Variants in NAV3 observed in about 807,000 individuals in gnomAD.
The protein encoded by NAV3 is neuron navigator 3.
In NAV3, 87 loss-of-function variants were observed where a neutral mutation model predicts 244.7. The ratio of observed to expected loss-of-function variants is 0.36; its 90% CI spans 0.30 to 0.42. The LOEUF is 0.42. Ranked by LOEUF, NAV3 falls within the 20% of genes least tolerant of loss-of-function variation. The pLI, the probability that NAV3 is intolerant of heterozygous loss-of-function variation, is 1.00. For synonymous variants in NAV3, 1,126 were observed against 1,042.2 expected (o/e 1.08, Z -1.55); for missense variants, 2,663 against 2,893.3 (o/e 0.92, Z 1.83).
At chr12:77,772,525 CTG>C (rs1352231788) in intron 2 of NAV3, among the ~76,000 whole-genome samples, 1 of 152,144 alleles carries the variant, frequency 6.6e-6, no homozygotes, top group African/African-American at 2.4e-5. Context: ...ACCACTGACA[CTG>C]ACTTCACTGA....
chr12:77,981,251 C>T (rs1179222059), intron 5 of NAV3, among the ~76,000 whole-genome samples: 2 of 152,034 alleles, frequency 1.3e-5, no homozygotes, highest in Non-Finnish European at 2.9e-5. Flanking sequence ...TTTTTAAGGA[C>T]CACATATAGT....
intron 1 of NAV3, among the ~76,000 whole-genome samples, chr12:77,929,137 A>T (rs1888520880): frequency 6.6e-6 from 1 of 152,216 alleles, no homozygotes; most frequent in Non-Finnish European, 1.5e-5. Context: ...TTGTCTGAAG[A>T]CAGCTAATCT....
chr12:77,815,526 A>G (rs1872495757), intron 2 of NAV3, among the ~76,000 whole-genome samples: 1 of 152,226 alleles, frequency 6.6e-6, no homozygotes, highest in African/African-American at 2.4e-5. Flanking sequence ...CAAATTAAAT[A>G]TAATGCATTT....
chr12:78,163,834 T>C (rs1270805986), intron 23 of NAV3, among the ~76,000 whole-genome samples: 2 of 152,076 alleles, frequency 1.3e-5, no homozygotes, highest in African/African-American at 4.8e-5. Flanking sequence ...TGATTTCAGA[T>C]CGTTTTCTCT....
intron 1 of NAV3, among the ~76,000 whole-genome samples, chr12:77,914,104 A>T (rs1886890445): frequency 6.6e-6 from 1 of 152,052 alleles, no homozygotes; most frequent in Non-Finnish European, 1.5e-5. Context: ...ATTGAATGAA[A>T]ATTTCAGCAG....
At chr12:77,590,763 T>G (rs1331965804) in intron 2 of NAV3, among the ~76,000 whole-genome samples, 1 of 152,232 alleles carries the variant, frequency 6.6e-6, no homozygotes, top group Non-Finnish European at 1.5e-5. Flanking sequence ...AATTTGTGTA[T>G]AGACACAGGT....
At chr12:78,156,975 A>T (rs1475191967) in intron 22 of NAV3, among the ~76,000 whole-genome samples, 1 of 152,204 alleles carries the variant, frequency 6.6e-6, no homozygotes, top group Non-Finnish European at 1.5e-5. Flanking sequence ...GTGGTTTTTA[A>T]AACAGGCATA....
chr12:77,846,258 A>G (rs937581203), intron 1 of NAV3, among the ~76,000 whole-genome samples: 8 of 152,240 alleles, frequency 5.3e-5, no homozygotes, highest in African/African-American at 1.2e-4. Context: ...GGTATGAACT[A>G]TCTGAGAATC....
At chr12:77,666,187 T>G (rs1014984034) in intron 2 of NAV3, among the ~76,000 whole-genome samples, 94 of 150,454 alleles carry the variant, frequency 6.2e-4, no homozygotes, top group African/African-American at 2.0e-3. Context: ...CAGTTTTTTT[T>G]TTTTTTTTTT....
chr12:77,682,051 G>C (rs1296652259), intron 2 of NAV3, among the ~76,000 whole-genome samples: 1 of 152,070 alleles, frequency 6.6e-6, no homozygotes, highest in Non-Finnish European at 1.5e-5. Context: ...ATTAACTGCA[G>C]TCACCATGAT....
intron 1 of NAV3, among the ~76,000 whole-genome samples, chr12:77,912,196 T>A (rs1034924863): frequency 6.6e-6 from 1 of 152,110 alleles, no homozygotes; most frequent in African/African-American, 2.4e-5. Flanking sequence ...AATGGGTCTT[T>A]GCAGGTGTAT....
In NAV3 at chr12:77,966,289, C is replaced by T. The variant is rs1309538208; in HGVS notation, c.475C>T (p.Leu159=). The T allele has an allele frequency of 6.2e-7, 1 of 1,612,688 alleles. No individual in the cohort carries two copies. The highest frequency in any genetic ancestry group is 1.7e-5 in the Admixed American group (1 of 59,890). ...LAARGVNVQG[L]SAEEIRNGNL... is the part of the protein sequence containing the mutation. ...AGCCAGAGGGGTAAATGTTCAAGGT[C>T]TATCTGCTGAAGGTAAGAAAAAGAA... Residue 159 remains leucine (L), a synonymous_variant, in exon 4 of 40, where the codon CTA becomes TTA. Coordinates refer to ENST00000397909, the MANE Select transcript of NAV3 (RefSeq NM_001024383.2).
At chr12:77,860,587 A>G (rs563736116) in intron 1 of NAV3, among the ~76,000 whole-genome samples, 1 of 152,028 alleles carries the variant, frequency 6.6e-6, no homozygotes, top group South Asian at 2.1e-4. Flanking sequence ...CAAAGCAGAT[A>G]GTCATAAGTA....
chr12:77,685,283 C>A (rs1176030955), intron 2 of NAV3, among the ~76,000 whole-genome samples: 1 of 152,134 alleles, frequency 6.6e-6, no homozygotes, highest in African/African-American at 2.4e-5. Flanking sequence ...ATTTGCTAAG[C>A]GCCTTGGAGC....
intron 1 of NAV3, among the ~76,000 whole-genome samples, chr12:77,860,893 A>G (rs1879161688): frequency 6.6e-6 from 1 of 151,872 alleles, no homozygotes; most frequent in Non-Finnish European, 1.5e-5. Flanking sequence ...ACTATCCTTC[A>G]TAGAGTGGGC....
At chr12:78,037,176 T>A in intron 9 of NAV3, 1 of 702,952 alleles carries the variant, frequency 1.4e-6, no homozygotes. Context: ...CTTAGAGGAA[T>A]TGTCTGCAAG....
rs538211504 is a variant in NAV3 at position 77,652,252 on chromosome 12, G to A, written c.72+79986G>A. ...TGGTTCTGAGAGGTTTAAATACCCC[G>A]CCCAAGGTCACACTGATAGGGATTG... On this transcript the variant is annotated intron_variant, in intron 2 of 8. Transcript: ENST00000550042. Among the ~76,000 whole-genome samples, 9 of 152,154 alleles carry A rather than the reference G, an allele frequency of 5.9e-5. No individual in the cohort carries two copies. The South Asian group carries it at 1.0e-3, about 18-fold the overall frequency.
chr12:78,123,493 T>C (rs1009205165), intron 16 of NAV3, among the ~76,000 whole-genome samples: 32 of 151,864 alleles, frequency 2.1e-4, no homozygotes, highest in African/African-American at 7.7e-4. Flanking sequence ...CCCTTTAATG[T>C]AGGATGTCCC....
At chr12:77,739,020 A>G (rs1868278416) in intron 2 of NAV3, among the ~76,000 whole-genome samples, 3 of 149,774 alleles carry the variant, frequency 2.0e-5, no homozygotes, top group African/African-American at 7.3e-5. Context: ...TCAAAAAAAA[A>G]AAAAAAAAAA....
Sources: allele counts gnomAD v4.1 joint callset (sites outside exome capture counted in the v4.1 genomes callset), GRCh38; gene constraint gnomAD v4.1.1; transcripts MANE v1.5; gene names NCBI Gene and HGNC (gene_info 2026-07-23, HGNC 2026-07-21).